LMBR1: variants seen among roughly 807,000 people sequenced by gnomAD.
The protein encoded by LMBR1 is limb development membrane protein 1.
LMBR1 carries 52 observed loss-of-function variants against 73.9 expected under a neutral mutation model. The ratio of observed to expected loss-of-function variants is 0.70; its 90% CI spans 0.56 to 0.89. The LOEUF (loss-of-function observed/expected upper bound fraction) is 0.89. Among genes scored for constraint, LMBR1 ranks in the 40% least tolerant of loss-of-function variants. The pLI, the probability that LMBR1 is intolerant of heterozygous loss-of-function variation, is 0.00. For missense variants in LMBR1, 539 were observed against 579.8 expected (o/e 0.93, Z 0.72); for synonymous variants, 215 against 209.4 (o/e 1.03, Z -0.23).
chr7:156,844,501 GA>G (rs565238279), intron 1 of LMBR1, among the ~76,000 whole-genome samples: 2 of 150,322 alleles, frequency 1.3e-5, no homozygotes, highest in Non-Finnish European at 2.9e-5. Flanking sequence ...TGAAATAAAA[GA>G]AAGCTATAAT....
At chr7:156,804,797 C>T (rs1431070254) in intron 4 of LMBR1, among the ~76,000 whole-genome samples, 1 of 147,398 alleles carries the variant, frequency 6.8e-6, no homozygotes, top group Non-Finnish European at 1.5e-5. Context: ...TGTAGACTCT[C>T]TTTATTCTCT....
intron 16 of LMBR1, 82 bp downstream of exon 16, chr7:156,687,944 CTAAA>C: frequency 1.6e-6 from 2 of 1,280,668 alleles, no homozygotes; most frequent in South Asian, 1.7e-5. Context: ...ATTTGGGAAA[CTAAA>C]TAGCTGAAGA....
intron 15 of LMBR1, among the ~76,000 whole-genome samples, chr7:156,722,631 G>A (rs1814823200): frequency 6.6e-6 from 1 of 152,128 alleles, no homozygotes; most frequent in African/African-American, 2.4e-5. Context: ...ATGACTCACT[G>A]TACCCTAATG....
At chr7:156,743,783 TCA>T (rs1162645832) in intron 9 of LMBR1, among the ~76,000 whole-genome samples, 1 of 152,214 alleles carries the variant, frequency 6.6e-6, no homozygotes, top group Non-Finnish European at 1.5e-5. Flanking sequence ...AATATCAGCA[TCA>T]CACAGTCCTA....
intron 15 of LMBR1, among the ~76,000 whole-genome samples, chr7:156,706,555 C>T (rs1231446566): frequency 2.0e-5 from 3 of 151,868 alleles, no homozygotes; most frequent in East Asian, 1.9e-4. Context: ...ATCAATATCA[C>T]GAAATCAATA....
intron 1 of LMBR1, among the ~76,000 whole-genome samples, chr7:156,863,434 C>T (rs1798011154): frequency 6.6e-6 from 1 of 152,194 alleles, no homozygotes; most frequent in South Asian, 2.1e-4. Context: ...GCCTTCCCAG[C>T]CCACTGACTC....
intron 9 of LMBR1, among the ~76,000 whole-genome samples, chr7:156,737,147 G>A (rs1818029186): frequency 6.6e-6 from 1 of 152,198 alleles, no homozygotes; most frequent in Admixed American, 6.5e-5. Context: ...AAAGGTGAAT[G>A]TGAGGTAAAT....
chr7:156,777,511 C>A (rs966735598), intron 5 of LMBR1, among the ~76,000 whole-genome samples: 3 of 152,190 alleles, frequency 2.0e-5, no homozygotes, highest in African/African-American at 7.2e-5. Flanking sequence ...CAAATGTCAA[C>A]CTGCATCATA....
intron 15 of LMBR1, among the ~76,000 whole-genome samples, chr7:156,703,392 G>A (rs371378202): frequency 1.3e-5 from 2 of 152,216 alleles, no homozygotes; most frequent in African/African-American, 4.8e-5. Context: ...CTCAGCAGGA[G>A]GAGAGTTGCC....
intron 1 of LMBR1, among the ~76,000 whole-genome samples, chr7:156,841,736 A>C (rs1838736204): frequency 6.6e-6 from 1 of 152,146 alleles, no homozygotes; most frequent in Non-Finnish European, 1.5e-5. Context: ...ATCTTGATGG[A>C]GTAGTGGAGG....
intron 15 of LMBR1, among the ~76,000 whole-genome samples, chr7:156,704,952 C>G (rs1396725092): frequency 6.6e-6 from 1 of 151,924 alleles, no homozygotes; most frequent in Admixed American, 6.6e-5. Flanking sequence ...ATGTTTGAGA[C>G]TACATAAAAA....
downstream of LMBR1, chr7:156,675,645 A>G: frequency 6.4e-7 from 1 of 1,555,264 alleles, no homozygotes. Context: ...GCTTCCCTGC[A>G]ACCTCCACCG....
chr7:156,854,518 G>A (rs903886827), intron 1 of LMBR1, among the ~76,000 whole-genome samples: 1 of 152,186 alleles, frequency 6.6e-6, no homozygotes, highest in African/African-American at 2.4e-5. Context: ...AATATGCCCA[G>A]GGCATGCTGT....
At chr7:156,794,293 A>G (rs1051216910) in intron 5 of LMBR1, among the ~76,000 whole-genome samples, 1 of 152,192 alleles carries the variant, frequency 6.6e-6, no homozygotes, top group Non-Finnish European at 1.5e-5. Context: ...AAGACTAAAA[A>G]TTTTTTTAAA....
In LMBR1 at chr7:156,685,010, T is replaced by C. The variant is rs1024826549; in HGVS notation, c.1388-847A>G. Among the ~76,000 whole-genome samples the C allele has an allele frequency of 3.3e-5, 5 of 151,740 alleles. No homozygotes were observed. The highest frequency in any genetic ancestry group is 1.2e-4 in the African/African-American group (5 of 41,266). ...TGCCCCTTACACACATGCAGGAAAA[T>C]GTAGGGAAAGCCACAGCCAAATATT... On this transcript the variant is annotated intron_variant, in intron 16 of 16. Coordinates refer to ENST00000353442, the MANE Select transcript of LMBR1 (RefSeq NM_022458.4). This position sits in a 1 kb window ranked among gnomAD's most constrained non-coding sequence, Gnocchi z 4.1.
At chr7:156,875,297 C>A (rs1237482701) in intron 1 of LMBR1, among the ~76,000 whole-genome samples, 1 of 151,992 alleles carries the variant, frequency 6.6e-6, no homozygotes, top group African/African-American at 2.4e-5. Flanking sequence ...AAATGAACAA[C>A]GCCTCCAAGA....
chr7:156,758,626 C>G (rs549535250), intron 8 of LMBR1, among the ~76,000 whole-genome samples: 154 of 152,298 alleles, frequency 1.0e-3, no homozygotes, highest in African/African-American at 3.4e-3. Flanking sequence ...TCTCTCTCGC[C>G]TGCTCCCTCT....
chr7:156,685,568 A>C lies in LMBR1; in HGVS notation c.1388-1405T>G, dbSNP rs1585179361. ...GCGGCACCATGGCACATATCTGTGC[A>C]TCTAGAAACATATGAACCTAGAAAA... is the stretch of plus-strand genomic sequence containing the variant. On this transcript the variant is annotated intron_variant, in intron 16 of 16. Coordinates refer to ENST00000353442, the MANE Select transcript of LMBR1 (RefSeq NM_022458.4). This position sits in a 1 kb window ranked among gnomAD's most constrained non-coding sequence, Gnocchi z 4.1. 1.3e-5 allele frequency among the ~76,000 whole-genome samples: 2 copies of C among 152,362 alleles called. No homozygotes were observed. The highest frequency in any genetic ancestry group is 2.9e-5 in the Non-Finnish European group (2 of 68,030).
Position 156,764,013 on chromosome 7 carries a change from A to T in LMBR1, c.424-218T>A, listed in dbSNP as rs981112071. Among the ~76,000 whole-genome samples, 1 of 152,198 alleles carries T rather than the reference A, an allele frequency of 6.6e-6. No individual in the cohort carries two copies. The highest frequency in any genetic ancestry group is 2.4e-5 in the African/African-American group (1 of 41,450). ...TAAGCTTGGATAAAACACAAAAAAA[A>T]TTCTTCATAAAAAACATCTGCAGAG... On this transcript the variant is annotated intron_variant, in intron 5 of 16. Coordinates refer to ENST00000353442, the MANE Select transcript of LMBR1 (RefSeq NM_022458.4).
Sources: gnomAD v4.1 joint callset for allele counts (sites outside exome capture counted in the v4.1 genomes callset) on GRCh38, gnomAD v4.1.1 for gene constraint, Gnocchi (gnomAD v3.1) non-coding constraint, MANE v1.5 for transcripts, NCBI Gene and HGNC (gene_info 2026-07-23, HGNC 2026-07-21) for gene names.